Variants in HSD17B3 observed in about 807,000 individuals in gnomAD.
HSD17B3 encodes the protein 17-beta-hydroxysteroid dehydrogenase type 3.
In HSD17B3, 29 loss-of-function variants were observed where a neutral mutation model predicts 41.1. The observed-to-expected ratio is 0.71, with a 90% CI of 0.53 to 0.96. The LOEUF (loss-of-function observed/expected upper bound fraction) is 0.96. Ranked by LOEUF, HSD17B3 falls within the 40% of genes least tolerant of loss-of-function variation. HSD17B3 has a pLI of 0.00. For missense variants in HSD17B3, 323 were observed against 374.6 expected, an observed-to-expected ratio of 0.86 and a Z score of 1.14; for synonymous variants, 126 against 145.6, an observed-to-expected ratio of 0.87 and a Z score of 0.97.
In HSD17B3 at chr9:96,235,488, T is replaced by C. The variant is rs1564018684; in HGVS notation, c.905A>G (p.Tyr302Cys). The change falls in exon 11 of 11, where the codon TAC becomes TGC. Residue 302 changes from tyrosine to cysteine, a missense_variant. Transcript: ENST00000375263. Reference protein sequence around the residue: ...QRLLLTHYVAYLKLNTKVR With the variant: ...QRLLLTHYVACLKLNTKVR ...CCTGACCTTGGTGTTGAGCTTCAGG[T>C]ATGCCACATAGTGTGTCAGGAGCAG... 1 of 1,613,958 alleles carries C rather than the reference T, an allele frequency of 6.2e-7. No individual in the cohort carries two copies. The highest frequency in any genetic ancestry group is 8.5e-7 in the Non-Finnish European group (1 of 1,179,920).
chr9:96,268,500 A>G (rs1051010757), intron 2 of HSD17B3, among the ~76,000 whole-genome samples: 2 of 152,196 alleles, frequency 1.3e-5, no homozygotes, highest in African/African-American at 4.8e-5. Flanking sequence ...GATAATGATA[A>G]TAAGTGGTCC....
intron 2 of HSD17B3, among the ~76,000 whole-genome samples, chr9:96,272,137 G>A (rs1255202096): frequency 6.6e-6 from 1 of 151,536 alleles, no homozygotes; most frequent in Non-Finnish European, 1.5e-5. Flanking sequence ...GGGAGTCTAA[G>A]GCAGGTGGAT....
intron 3 of HSD17B3, among the ~76,000 whole-genome samples, chr9:96,253,478 G>A (rs1259642745): frequency 1.3e-5 from 2 of 152,086 alleles, no homozygotes; most frequent in East Asian, 3.9e-4. Context: ...AATGTCTTAT[G>A]GTCATTGTCC....
intron 2 of HSD17B3, among the ~76,000 whole-genome samples, chr9:96,283,294 T>G (rs1826777542): frequency 1.3e-5 from 2 of 152,208 alleles, no homozygotes; most frequent in African/African-American, 4.8e-5. Flanking sequence ...CATGAGCCAC[T>G]GCGCCCAGCC....
rs1836573948 is a variant in HSD17B3, at chr9:96,244,386, C to A, written c.615G>T (p.Val205=). The change falls in exon 9 of 11, where the codon GTG becomes GTT. Residue 205 remains valine (V), a synonymous_variant. Coordinates refer to ENST00000375263, the MANE Select transcript of HSD17B3 (RefSeq NM_000197.2). Reference sequence around the variant, plus strand: ...CTTGCAGGGCCTTGGAAAATGCGCACACAAACGCCTGGAGCAAGAAGGAGA... The same window carrying A: ...CTTGCAGGGCCTTGGAAAATGCGCAAACAAACGCCTGGAGCAAGAAGGAGA... ...YSMYSASKAF[V]CAFSKALQEE... The A allele has an allele frequency of 1.2e-6, 2 of 1,614,168 alleles. No homozygotes were observed. Among genetic ancestry groups the A allele is most frequent in the Non-Finnish European group, 1.7e-6 (2 of 1,180,022 alleles).
At chr9:96,251,279 G>C (rs180820419) in intron 5 of HSD17B3, 139 bp downstream of exon 5, 40 of 691,704 alleles carry the variant, frequency 5.8e-5, no homozygotes, top group African/African-American at 5.1e-4. Flanking sequence ...GAAGAGGAAA[G>C]GGGGCCTCAA....
In HSD17B3 at chr9:96,256,066, C is replaced by T. The variant is rs532282833; in HGVS notation, c.202-1123G>A. On this transcript the variant is annotated intron_variant, in intron 2 of 10. Transcript: ENST00000375263. Reference sequence around the variant, plus strand: ...CCTGAAAGACGAAAGGAAAAACCAACATTCGTTTAAACAGAGACGGATGAC... The same window carrying T: ...CCTGAAAGACGAAAGGAAAAACCAATATTCGTTTAAACAGAGACGGATGAC... The T allele has an allele frequency of 2.6e-5, 4 of 152,286 alleles. No individual in the cohort carries two copies. The East Asian group carries it at 5.8e-4, about 22-fold the overall frequency. The allele number at this position is 152,286 out of a possible 1,614,324, so 9.4% of individuals were successfully genotyped here. A position where few individuals can be genotyped will look rare whatever the true frequency, so the allele number is the denominator to read the frequency against.
Position 96,240,789 on chromosome 9 carries a change from T to C in HSD17B3, c.791A>G (p.Glu264Gly). 1 of 1,614,232 alleles carries C rather than the reference T, an allele frequency of 6.2e-7. No homozygotes were observed. Among genetic ancestry groups the C allele is most frequent in the East Asian group, 2.2e-5 (1 of 44,890 alleles). ...ESLNYVTIGG[E>G]TCGCLAHEIL... ...TTCATGGGCAAGGCAGCCACAGGTT[T>C]CACCTCCAATTGTGACATAATTCAA... Residue 264 changes from glutamate to glycine, a missense_variant, in exon 10 of 11, where the codon GAA becomes GGA. Transcript: ENST00000375263.
chr9:96,243,605 T>C (rs1836538542), intron 9 of HSD17B3, among the ~76,000 whole-genome samples: 1 of 152,194 alleles, frequency 6.6e-6, no homozygotes, highest in African/African-American at 2.4e-5. Flanking sequence ...CACACAACAA[T>C]AACAAAACAA....
At chr9:96,252,583 G>A (rs562626865) in intron 4 of HSD17B3, among the ~76,000 whole-genome samples, 121 of 151,482 alleles carry the variant, frequency 8.0e-4, no homozygotes, top group African/African-American at 2.9e-3. Context: ...GTTGGGGGTT[G>A]AAATATGTAT....
At chr9:96,259,649 A>T (rs535617341) in intron 2 of HSD17B3, among the ~76,000 whole-genome samples, 1 of 152,098 alleles carries the variant, frequency 6.6e-6, no homozygotes, top group South Asian at 2.1e-4. Context: ...TGAACCCAGG[A>T]GGCTGAGCTT....
intron 10 of HSD17B3, among the ~76,000 whole-genome samples, chr9:96,238,354 A>G (rs983714544): frequency 4.6e-5 from 7 of 152,076 alleles, no homozygotes; most frequent in African/African-American, 1.7e-4. Flanking sequence ...TGACACCGAG[A>G]AAGTGCACAA....
chr9:96,270,953 C>T (rs1163946265), intron 2 of HSD17B3, among the ~76,000 whole-genome samples: 1 of 124,238 alleles, frequency 8.0e-6, no homozygotes, highest in Non-Finnish European at 1.7e-5. Flanking sequence ...CAAATCCTCT[C>T]GGGGGGGGGG....
At chr9:96,266,033 G>T (rs1826032910) in intron 2 of HSD17B3, among the ~76,000 whole-genome samples, 1 of 152,134 alleles carries the variant, frequency 6.6e-6, no homozygotes, top group Non-Finnish European at 1.5e-5. Flanking sequence ...ATTGATCAAG[G>T]AAAAGAAGAG....
chr9:96,278,698 G>T (rs1826568387), intron 2 of HSD17B3, among the ~76,000 whole-genome samples: 1 of 152,164 alleles, frequency 6.6e-6, no homozygotes, highest in African/African-American at 2.4e-5. Flanking sequence ...CCATGAATTT[G>T]ATGTCTTTAT....
intron 2 of HSD17B3, among the ~76,000 whole-genome samples, chr9:96,287,254 C>G (rs1337964298): frequency 6.6e-6 from 1 of 152,190 alleles, no homozygotes; most frequent in Non-Finnish European, 1.5e-5. Context: ...GCCAAGGGAG[C>G]CCAGTGGTGC....
chr9:96,293,194 T>C (rs904327979), intron 2 of HSD17B3, among the ~76,000 whole-genome samples: 1 of 152,250 alleles, frequency 6.6e-6, no homozygotes, highest in Non-Finnish European at 1.5e-5. Flanking sequence ...TAGGTCATGA[T>C]ACCCAGCTAC....
At chr9:96,281,188 T>A (rs1399492212) in intron 2 of HSD17B3, among the ~76,000 whole-genome samples, 2 of 151,990 alleles carry the variant, frequency 1.3e-5, no homozygotes, top group Non-Finnish European at 1.5e-5. Context: ...GGGATTATAG[T>A]GTGAAAACCC....
intron 2 of HSD17B3, among the ~76,000 whole-genome samples, chr9:96,272,446 TAA>T (rs1554699341): frequency 7.0e-5 from 6 of 85,826 alleles, no homozygotes; most frequent in African/African-American, 2.4e-4. Context: ...TATATATATA[TAA>T]AATATATATG....
Sources: gnomAD v4.1 joint callset for allele counts (sites outside exome capture counted in the v4.1 genomes callset) on GRCh38, gnomAD v4.1.1 for gene constraint, MANE v1.5 for transcripts, NCBI Gene and HGNC (gene_info 2026-07-23, HGNC 2026-07-21) for gene names.